The following HDAC8 variants were observed in gnomAD, a reference collection of about 807,000 sequenced individuals.
The protein encoded by HDAC8 is histone deacetylase-like 1.
In HDAC8, 1 loss-of-function variant was observed where a neutral mutation model predicts 32.2. The ratio of observed to expected loss-of-function variants is 0.03; its 90% CI spans 0.01 to 0.15. HDAC8 has a LOEUF of 0.15. Among genes scored for constraint, HDAC8 ranks in the 10% least tolerant of loss-of-function variants. HDAC8 has a pLI of 1.00. For missense variants in HDAC8, 117 were observed against 300.0 expected (o/e 0.39, Z 4.51); for synonymous variants, 108 against 113.9 (o/e 0.95, Z 0.33).
chrX:72,392,903 A>T (rs1338652221), intron 9 of HDAC8, among the ~76,000 whole-genome samples: 2 of 111,949 alleles, frequency 1.8e-5, no homozygotes, highest in Admixed American at 1.9e-4. Flanking sequence ...CAAAATTGTC[A>T]ATTAATACTA....
At position 72,396,725 on chromosome X, in the gene HDAC8, G is replaced by A. The variant is rs1010875349; in HGVS notation, c.1006-44887C>T. Among the ~76,000 whole-genome samples, 3 of 110,576 alleles carry A rather than the reference G, an allele frequency of 2.7e-5. No individual in the cohort carries two copies. In the South Asian group the frequency reaches 1.2e-3, roughly 43 times the overall value. ...TGGTTAATTATAATGTACTGGCTGGGCATGGTGGTGTGTGCCTTTAATCCC... is the reference window on the plus strand; with the variant it reads ...TGGTTAATTATAATGTACTGGCTGGACATGGTGGTGTGTGCCTTTAATCCC... On this transcript the variant is annotated intron_variant, in intron 9 of 10. Coordinates refer to ENST00000373573, the MANE Select transcript of HDAC8 (RefSeq NM_018486.3).
At chrX:72,406,301 T>C in intron 9 of HDAC8, among the ~76,000 whole-genome samples, 1 of 112,237 alleles carries the variant, frequency 8.9e-6, no homozygotes, top group Middle Eastern at 4.6e-3. Flanking sequence ...TGATCATGGC[T>C]CACTACAGCC....
chrX:72,402,288 T>C (rs1196971098), intron 9 of HDAC8, among the ~76,000 whole-genome samples: 2 of 111,323 alleles, frequency 1.8e-5, no homozygotes, highest in African/African-American at 6.5e-5. Flanking sequence ...GTTGATCTTG[T>C]CAAAGAATCA....
chrX:72,435,181 A>C (rs187019579), intron 9 of HDAC8, among the ~76,000 whole-genome samples: 65 of 111,974 alleles, frequency 5.8e-4, no homozygotes, highest in African/African-American at 2.0e-3. Context: ...ATCAGGCAGA[A>C]GTAGAGGGAA....
At chrX:72,518,437 T>C (rs1174704182) in intron 4 of HDAC8, among the ~76,000 whole-genome samples, 7 of 111,850 alleles carry the variant, frequency 6.3e-5, no homozygotes, top group African/African-American at 9.7e-5. Flanking sequence ...TTAGTATAGT[T>C]CTGGGGAACA....
intron 9 of HDAC8, among the ~76,000 whole-genome samples, chrX:72,353,894 C>A (rs955863927): frequency 8.9e-6 from 1 of 111,981 alleles, no homozygotes; most frequent in Non-Finnish European, 1.9e-5. Context: ...CCTCCAGGTG[C>A]GAAGATGACA....
intron 9 of HDAC8, among the ~76,000 whole-genome samples, chrX:72,446,491 C>T (rs1463996626): frequency 9.1e-6 from 1 of 109,710 alleles, no homozygotes; most frequent in Non-Finnish European, 1.9e-5. Flanking sequence ...ACAATGAGAA[C>T]ACGTGGACAC....
intron 9 of HDAC8, among the ~76,000 whole-genome samples, chrX:72,408,215 C>T (rs1412861062): frequency 2.7e-5 from 3 of 110,927 alleles, no homozygotes; most frequent in Non-Finnish European, 3.8e-5. Flanking sequence ...TATGTTTAGA[C>T]GCTCATTAGT....
At chrX:72,334,486 G>T (rs1390653679) in intron 10 of HDAC8, among the ~76,000 whole-genome samples, 1 of 111,548 alleles carries the variant, frequency 9.0e-6, no homozygotes, top group Non-Finnish European at 1.9e-5. Context: ...AAAGAGGAAG[G>T]TACCTGCTGG....
intron 9 of HDAC8, among the ~76,000 whole-genome samples, chrX:72,411,040 T>TC (rs1162785496): frequency 1.1e-5 from 1 of 92,321 alleles, no homozygotes; most frequent in Non-Finnish European, 1.9e-5. Context: ...CTTTTTTTTT[T>TC]TTTTTGACAG....
At chrX:72,545,005 C>T (rs185187699) in intron 4 of HDAC8, among the ~76,000 whole-genome samples, 3 of 110,977 alleles carry the variant, frequency 2.7e-5, no homozygotes, top group Non-Finnish European at 3.8e-5. Flanking sequence ...CAATTAGGGG[C>T]GGTCGCTCTG....
At chrX:72,361,314 G>T (rs2044542147) in intron 9 of HDAC8, among the ~76,000 whole-genome samples, 1 of 110,869 alleles carries the variant, frequency 9.0e-6, no homozygotes, top group South Asian at 3.8e-4. Context: ...TTTACCTATT[G>T]GTATAAAAAA....
intron 4 of HDAC8, among the ~76,000 whole-genome samples, chrX:72,542,686 A>C (rs1398309317): frequency 8.9e-6 from 1 of 111,929 alleles, no homozygotes; most frequent in Admixed American, 9.5e-5. Context: ...ATGCGGAGGA[A>C]GGGCGTGAAG....
intron 9 of HDAC8, among the ~76,000 whole-genome samples, chrX:72,458,286 A>G (rs782813638): frequency 8.9e-6 from 1 of 112,387 alleles, no homozygotes; most frequent in African/African-American, 3.2e-5. Flanking sequence ...CTTCCTCATC[A>G]CTGGCTTTAT....
intron 9 of HDAC8, among the ~76,000 whole-genome samples, chrX:72,436,963 AT>A (rs1463823504): frequency 1.8e-5 from 2 of 112,469 alleles, no homozygotes; most frequent in African/African-American, 6.5e-5. Flanking sequence ...AATACTATAG[AT>A]AAATAAAAAA....
intron 4 of HDAC8, among the ~76,000 whole-genome samples, chrX:72,548,446 C>A (rs1370648929): frequency 2.7e-5 from 3 of 111,905 alleles, no homozygotes; most frequent in Non-Finnish European, 5.6e-5. Flanking sequence ...CTCAAATCTG[C>A]CAAACTATAT....
At chrX:72,377,396 G>T (rs781972782) in intron 9 of HDAC8, among the ~76,000 whole-genome samples, 10 of 112,363 alleles carry the variant, frequency 8.9e-5, no homozygotes, top group Non-Finnish European at 1.5e-4. Flanking sequence ...CACTTGAAAA[G>T]AATGTATATT....
At chrX:72,475,865 C>T (rs781851143) in intron 7 of HDAC8, among the ~76,000 whole-genome samples, 4 of 111,463 alleles carry the variant, frequency 3.6e-5, no homozygotes, top group South Asian at 7.6e-4. Context: ...AACCTCATAT[C>T]CCTTTCGCTG....
intron 10 of HDAC8, among the ~76,000 whole-genome samples, chrX:72,332,737 C>T (rs1186659241): frequency 1.8e-5 from 2 of 110,260 alleles, no homozygotes; most frequent in Non-Finnish European, 3.8e-5. Flanking sequence ...CTGCAAACTC[C>T]GCCTCCTGGG....
Sources: gnomAD v4.1 joint callset for allele counts (sites outside exome capture counted in the v4.1 genomes callset) on GRCh38, gnomAD v4.1.1 for gene constraint, MANE v1.5 for transcripts, NCBI Gene and HGNC (gene_info 2026-07-23, HGNC 2026-07-21) for gene names.